Variants in RYR3 observed in about 807,000 individuals in gnomAD.
RYR3 encodes the protein brain ryanodine receptor-calcium release channel.
A neutral mutation model predicts 584.3 loss-of-function variants in RYR3; 207 were observed. The ratio of observed to expected loss-of-function variants is 0.35; its 90% CI spans 0.32 to 0.40. RYR3 has a LOEUF of 0.40. RYR3 is among the 10% of genes least tolerant of loss of function. The pLI is 1.00. For synonymous variants in RYR3, 2,416 were observed against 2,248.5 expected, an observed-to-expected ratio of 1.07 and a Z score of -2.11; for missense variants, 5,616 against 6,089.2, an observed-to-expected ratio of 0.92 and a Z score of 2.59.
intron 19 of RYR3, among the ~76,000 whole-genome samples, chr15:33,622,432 C>T (rs572867214): frequency 2.6e-5 from 4 of 152,180 alleles, no homozygotes; most frequent in African/African-American, 9.7e-5. Flanking sequence ...AGAGGCCTTC[C>T]TTGACACCAT....
At chr15:33,748,070 T>C (rs1250303948) in intron 53 of RYR3, 44 bp from the exon 54 acceptor site, 1 of 1,602,446 alleles carries the variant, frequency 6.2e-7, no homozygotes, top group Non-Finnish European at 8.5e-7. Context: ...GGGAGAATGC[T>C]GGGGTGTGTT....
At chr15:33,733,834 A>G (rs1262214592) in intron 48 of RYR3, among the ~76,000 whole-genome samples, 3 of 152,222 alleles carry the variant, frequency 2.0e-5, no homozygotes, top group African/African-American at 7.2e-5. Context: ...GTATGGGGCC[A>G]GGGATATATG....
chr15:33,321,267 A>T (rs1164147913), intron 1 of RYR3, among the ~76,000 whole-genome samples: 1 of 152,200 alleles, frequency 6.6e-6, no homozygotes, highest in African/African-American at 2.4e-5. Flanking sequence ...ATCCTGCTGT[A>T]AGGATCTGGC....
At chr15:33,603,978 C>A (rs2059793371) in intron 18 of RYR3, among the ~76,000 whole-genome samples, 1 of 152,206 alleles carries the variant, frequency 6.6e-6, no homozygotes. Context: ...TTTTCCCAAG[C>A]ATGTCCATGG....
intron 16 of RYR3, among the ~76,000 whole-genome samples, chr15:33,590,598 T>C (rs2059082694): frequency 6.6e-6 from 1 of 151,826 alleles, no homozygotes; most frequent in South Asian, 2.1e-4. Context: ...TCGTAATTTT[T>C]TTTAGAGGTC....
rs560147086 is a variant in RYR3, at chr15:33,401,450, A to G, written c.52-71969A>G. Among the ~76,000 whole-genome samples the G allele has an allele frequency of 1.3e-4, 19 of 151,558 alleles. 1 individual carries two copies. Among genetic ancestry groups the G allele is most frequent in the African/African-American group, 4.7e-4 (19 of 40,846 alleles). ...TCCTCTGACAAGTCTTCCAAATCTT[A>G]CATTCAGCATTCAGCACTATTCAGC... On this transcript the variant is annotated intron_variant, in intron 1 of 103. Transcript: ENST00000634891.
rs118149683 is a variant in RYR3, at chr15:33,476,810, C to T, written c.171+3272C>T. 3.6e-4 allele frequency among the ~76,000 whole-genome samples: 55 copies of T among 152,290 alleles called. 1 individual carries two copies. In the East Asian group the frequency reaches 0.01, roughly 29 times the overall value. On this transcript the variant is annotated intron_variant, in intron 2 of 103. Coordinates refer to ENST00000634891, the MANE Select transcript of RYR3 (RefSeq NM_001036.6). ...ATGTAGCATGAGGGAAGTGCGCCAT[C>T]AGGGTTCTCACAGAGAAACAGGGTC...
At chr15:33,334,343 G>A (rs1282666480) in intron 1 of RYR3, among the ~76,000 whole-genome samples, 1 of 152,052 alleles carries the variant, frequency 6.6e-6, no homozygotes, top group Non-Finnish European at 1.5e-5. Flanking sequence ...CACATAGACC[G>A]ATGGAACAGA....
chr15:33,498,769 T>G (rs541590489), intron 2 of RYR3, among the ~76,000 whole-genome samples: 18 of 152,314 alleles, frequency 1.2e-4, no homozygotes, highest in African/African-American at 3.8e-4. Context: ...ATGTCCTGAA[T>G]CATTTTTAGA....
Position 33,559,489 on chromosome 15 carries a change from G to A in RYR3, c.973-3348G>A, listed in dbSNP as rs142790915. 3.9e-3 allele frequency among the ~76,000 whole-genome samples: 597 copies of A among 152,308 alleles called. 3 individuals are homozygous for A. Among genetic ancestry groups the A allele is most frequent in the African/African-American group, 0.014 (569 of 41,576 alleles). On this transcript the variant is annotated intron_variant, in intron 10 of 103. Transcript: ENST00000634891. ...GGAGGCAGACAAGGGGCAGAAGCAA[G>A]GTGACAGCCTACACTACCACTTTTG...
intron 81 of RYR3, among the ~76,000 whole-genome samples, chr15:33,825,250 TA>T (rs1302611181): frequency 9.6e-6 from 1 of 104,706 alleles, no homozygotes; most frequent in Admixed American, 1.1e-4. Context: ...CGAGAAATCT[TA>T]AAAACAGATT....
Position 33,603,355 on chromosome 15 carries a change from C to G in RYR3, c.2155C>G (p.Leu719Val). The change falls in exon 18 of 104, where the codon CTT (leucine) becomes GTT (valine). Residue 719 changes from leucine to valine, a missense_variant. Leu to Val is a conservative substitution (Grantham distance 32). This residue lies in a region of RYR3 where 1,284 missense variants were observed against 1,344.6 expected (regional missense o/e 0.95). Coordinates refer to ENST00000634891, the MANE Select transcript of RYR3 (RefSeq NM_001036.6). ...CTCCTATGGCTTTGATGGACTTCAC[C>G]TTTGGTCAGGTGAGTACCTTGCTAA... Reference protein sequence around the residue: ...LYSYGFDGLHLWSGRIPRAVA... With the variant: ...LYSYGFDGLHVWSGRIPRAVA... The G allele has an allele frequency of 6.3e-7, 1 of 1,592,410 alleles. No homozygotes were observed. The highest frequency in any genetic ancestry group is 8.6e-7 in the Non-Finnish European group (1 of 1,167,986).
At chr15:33,564,011 C>T (rs2057559723) in intron 11 of RYR3, among the ~76,000 whole-genome samples, 1 of 152,166 alleles carries the variant, frequency 6.6e-6, no homozygotes, top group African/African-American at 2.4e-5. Context: ...CCAAGCCACC[C>T]AAAACATAAG....
At chr15:33,437,818 A>C (rs1051136031) in intron 1 of RYR3, among the ~76,000 whole-genome samples, 1 of 152,130 alleles carries the variant, frequency 6.6e-6, no homozygotes, top group African/African-American at 2.4e-5. Context: ...CTGCTGCCTC[A>C]ATCACCCGGG....
chr15:33,697,705 G>A (rs1189293336), intron 39 of RYR3, among the ~76,000 whole-genome samples, 177 bp from the exon 40 acceptor site: 1 of 152,208 alleles, frequency 6.6e-6, no homozygotes, highest in African/African-American at 2.4e-5. Flanking sequence ...GAATATTTCA[G>A]TCAGCTAAAA....
intron 85 of RYR3, 89 bp from the exon 86 acceptor site, chr15:33,830,874 C>T: frequency 2.2e-6 from 3 of 1,368,130 alleles, no homozygotes; most frequent in Non-Finnish European, 3.0e-6. Context: ...CATAGAGATG[C>T]AGGATTATCA....
In RYR3 at chr15:33,838,700, A is replaced by T; in HGVS notation, c.12720A>T (p.Gln4240His). The T allele has an allele frequency of 6.2e-7, 1 of 1,613,936 alleles. No homozygotes were observed. Among genetic ancestry groups the T allele is most frequent in the Admixed American group, 1.7e-5 (1 of 60,014 alleles). ...TGGGTGACATGCCTGACCCAACCCA[A>T]TTTGGTATCCATGATGACACTATGG... Reference protein sequence around the residue: ...KILGDMPDPTQFGIHDDTMEA... With the variant: ...KILGDMPDPTHFGIHDDTMEA... The change falls in exon 89 of 104, where the codon CAA (glutamine) becomes CAT (histidine). Residue 4240 changes from glutamine to histidine, a missense_variant. Around this residue, in one of 9 missense-constraint regions of RYR3, gnomAD observed 918 missense variants for 887.4 expected, o/e 1.03. Transcript: ENST00000634891.
chr15:33,652,596 G>T (rs2062548562), intron 31 of RYR3, 122 bp from the exon 32 acceptor site: 7 of 986,998 alleles, frequency 7.1e-6, no homozygotes, highest in South Asian at 6.3e-5. Context: ...AGTATTTGGG[G>T]CTGAACAGAA....
At chr15:33,840,798 G>A (rs1185191593) in intron 89 of RYR3, 27 bp from the exon 90 acceptor site, 1 of 1,611,860 alleles carries the variant, frequency 6.2e-7, no homozygotes, top group African/African-American at 1.3e-5. Flanking sequence ...TTTGAGGAAA[G>A]CTTGACTAAT....
Sources: allele counts gnomAD v4.1 joint callset (sites outside exome capture counted in the v4.1 genomes callset), GRCh38; gene constraint gnomAD v4.1.1; regional missense constraint gnomAD v4.1.1; transcripts MANE v1.5; gene names NCBI Gene and HGNC (gene_info 2026-07-23, HGNC 2026-07-21).